The following WDHD1 variants were observed in gnomAD, a reference collection of about 807,000 sequenced individuals.
WDHD1 encodes the protein WD repeat and HMG-box DNA binding protein 1.
WDHD1 carries 111 observed loss-of-function variants against 135.4 expected under a neutral mutation model. That is an observed-to-expected ratio of 0.82 (90% CI 0.70 to 0.96). The LOEUF is 0.96. Among genes scored for constraint, WDHD1 ranks in the 40% least tolerant of loss-of-function variants. The pLI, the probability that WDHD1 is intolerant of heterozygous loss-of-function variation, is 0.00. For synonymous variants in WDHD1, 434 were observed against 439.0 expected, an observed-to-expected ratio of 0.99 and a Z score of 0.14; for missense variants, 1,351 against 1,336.3, an observed-to-expected ratio of 1.01 and a Z score of -0.17.
intron 21 of WDHD1, among the ~76,000 whole-genome samples, chr14:54,959,529 A>G (rs2041215274): frequency 6.6e-6 from 1 of 152,112 alleles, no homozygotes; most frequent in African/African-American, 2.4e-5. Context: ...TTGGGAGGCT[A>G]AGGCAGGAGG....
Position 55,026,703 on chromosome 14 carries a change from A to G in WDHD1, c.77+8T>C, listed in dbSNP as rs764812470. 3.1e-6 allele frequency: 5 copies of G among 1,614,024 alleles called. No individual in the cohort carries two copies. In the African/African-American group the frequency reaches 6.7e-5, roughly 22 times the overall value. On this transcript the variant is annotated splice_region_variant and intron_variant, in intron 2 of 25. Transcript: ENST00000360586. ...GCACCTAAAACGTTGTTTCTCAAAG[A>G]ACCTTACCTCCCAGAATCATCAAAA...
intron 16 of WDHD1, among the ~76,000 whole-genome samples, chr14:54,977,904 G>T (rs1257057812): frequency 1.7e-5 from 1 of 60,240 alleles, no homozygotes. Flanking sequence ...GTTCCAAAGG[G>T]TTGTGTGGAA....
intron 10 of WDHD1, among the ~76,000 whole-genome samples, chr14:54,997,219 C>T (rs1378694918): frequency 6.7e-6 from 1 of 150,334 alleles, no homozygotes; most frequent in Non-Finnish European, 1.5e-5. Context: ...CCTCAGCTTC[C>T]TGAGTACCTG....
Position 54,996,935 on chromosome 14 carries a change from G to A in WDHD1, c.943-1122C>T, listed in dbSNP as rs542091475. Among the ~76,000 whole-genome samples, 348 of 151,868 alleles carry A rather than the reference G, an allele frequency of 2.3e-3. 2 individuals carry two copies. Among genetic ancestry groups the A allele is most frequent in the African/African-American group, 7.2e-3 (299 of 41,382 alleles). Reference sequence around the variant, plus strand: ...GTCTCCCAAGTAGCTGGGACTACAGGCGCATGCCACCATGCCCAGCTAATT... The same window carrying A: ...GTCTCCCAAGTAGCTGGGACTACAGACGCATGCCACCATGCCCAGCTAATT... On this transcript the variant is annotated intron_variant, in intron 10 of 25. Transcript: ENST00000360586.
rs2041738226 is a variant in WDHD1, at chr14:54,988,884, G to A, written c.1526+144C>T. On this transcript the variant is annotated intron_variant, in intron 13 of 25. Coordinates refer to ENST00000360586, the MANE Select transcript of WDHD1 (RefSeq NM_007086.4). ...AGACATATGTTCTGAGGTATTTTGG[G>A]TGTGCTGGTGTTTGTACCAAACTCT... is the stretch of plus-strand genomic sequence containing the variant. 4 of 614,826 alleles carry A rather than the reference G, an allele frequency of 6.5e-6. No individual in the cohort carries two copies. The Admixed American group carries it at 9.7e-5, about 15-fold the overall frequency. The allele number at this position is 614,826 out of a possible 1,614,324, so 38.1% of individuals were successfully genotyped here.
At chr14:54,995,332 G>C (rs1194517291) in intron 11 of WDHD1, among the ~76,000 whole-genome samples, 1 of 151,670 alleles carries the variant, frequency 6.6e-6, no homozygotes, top group South Asian at 2.1e-4. Flanking sequence ...TTTCTCTATA[G>C]GTTTTCTGTT....
intron 24 of WDHD1, among the ~76,000 whole-genome samples, chr14:54,953,204 A>G (rs1350395398): frequency 1.3e-5 from 2 of 152,184 alleles, no homozygotes; most frequent in African/African-American, 4.8e-5. Context: ...CAGAACGGGA[A>G]AAAATTTTGC....
chr14:54,970,353 T>A (rs1280809514), intron 16 of WDHD1, among the ~76,000 whole-genome samples: 1 of 152,124 alleles, frequency 6.6e-6, no homozygotes, highest in African/African-American at 2.4e-5. Context: ...AGTAGCATTT[T>A]TATACACCAA....
At chr14:54,949,098 TC>T (rs1004901139) in intron 24 of WDHD1, among the ~76,000 whole-genome samples, 3 of 151,016 alleles carry the variant, frequency 2.0e-5, no homozygotes, top group Non-Finnish European at 3.0e-5. Context: ...AGAGCACCTC[TC>T]CCCCCCCAAA....
intron 7 of WDHD1, chr14:55,005,060 C>T: frequency 1.8e-6 from 1 of 545,276 alleles, no homozygotes; most frequent in Non-Finnish European, 3.6e-6. Context: ...CAGCAGGCTG[C>T]TCTTCTTTTT....
intron 16 of WDHD1, among the ~76,000 whole-genome samples, chr14:54,978,585 TA>T (rs10711872): frequency 0.034 from 4,900 of 142,848 alleles, 240 homozygotes; most frequent in African/African-American, 0.11. Context: ...ACCCTGGCTC[TA>T]AAAAAAAAAA....
chr14:55,005,410 G>A, intron 7 of WDHD1: 1 of 569,910 alleles, frequency 1.8e-6, no homozygotes, highest in South Asian at 1.4e-5. Context: ...TGACTCCAGT[G>A]GCAGCAGCAA....
chr14:55,012,704 C>T (rs117298779), intron 3 of WDHD1, among the ~76,000 whole-genome samples: 3,749 of 152,176 alleles, frequency 0.025, 66 homozygotes, highest in South Asian at 0.04. Flanking sequence ...CTTCTTATTG[C>T]ATCATCCCAT....
chr14:54,991,689 C>T (rs907602826), intron 11 of WDHD1, among the ~76,000 whole-genome samples: 19 of 151,868 alleles, frequency 1.3e-4, no homozygotes, highest in Admixed American at 5.3e-4. Flanking sequence ...TAAATCTTGA[C>T]GCTTACACAG....
chr14:54,957,711 G>A (rs1313496324), intron 21 of WDHD1, 76 bp from the exon 22 acceptor site: 1 of 1,187,350 alleles, frequency 8.4e-7, no homozygotes, highest in Non-Finnish European at 1.2e-6. Flanking sequence ...ACTAGACAGA[G>A]TATTTTAATC....
Position 55,000,579 on chromosome 14 carries a change from G to A in WDHD1, c.866C>T (p.Ser289Leu), listed in dbSNP as rs768069495. 2.9e-5 allele frequency: 46 copies of A among 1,607,554 alleles called. No homozygotes were observed. The highest frequency in any genetic ancestry group is 3.5e-5 in the Non-Finnish European group (41 of 1,176,810). ...TAGATTTCCTTCCGCATCAGTATAC[G>A]ATATTCGACCACAAGTAGGATGCCA... ...LAWHPTCGRISYTDAEGNLGL... is the reference protein window; with the variant it reads ...LAWHPTCGRILYTDAEGNLGL... Residue 289 changes from serine to leucine, a missense_variant, in exon 10 of 26, where the codon TCG (serine) becomes TTG (leucine). By Grantham distance (145) the Ser-to-Leu change is moderately radical (BLOSUM62 -2). Transcript: ENST00000360586.
Position 54,995,610 on chromosome 14 carries a change from G to A in WDHD1, c.1146C>T (p.Asn382=), listed in dbSNP as rs747236249. 1 of 1,589,948 alleles carries A rather than the reference G, an allele frequency of 6.3e-7. No homozygotes were observed. The highest frequency in any genetic ancestry group is 8.5e-7 in the Non-Finnish European group (1 of 1,169,954). The part of the protein sequence containing the change: ...QRSHILEDDE[N]SVDISMLKTG... ...ACAAAGTCAAATTCTTACCAACTGA[G>A]TTTTCATCATCTTCTAGGATGTGAC... The change falls in exon 11 of 26, where the codon AAC becomes AAT. Residue 382 remains asparagine, a synonymous_variant. Coordinates refer to ENST00000360586, the MANE Select transcript of WDHD1 (RefSeq NM_007086.4).
intron 2 of WDHD1, among the ~76,000 whole-genome samples, chr14:55,022,511 G>A (rs146757102): frequency 0.044 from 6,755 of 151,954 alleles, 163 homozygotes; most frequent in South Asian, 0.062. Flanking sequence ...GCAAAACCCC[G>A]TCTCTACTAA....
intron 2 of WDHD1, among the ~76,000 whole-genome samples, chr14:55,014,224 G>A (rs1193213078): frequency 6.6e-6 from 1 of 152,134 alleles, no homozygotes; most frequent in Non-Finnish European, 1.5e-5. Context: ...TCCCCAGGTC[G>A]CTGGGACTAC....
Sources: allele counts gnomAD v4.1 joint callset (sites outside exome capture counted in the v4.1 genomes callset), GRCh38; gene constraint gnomAD v4.1.1; transcripts MANE v1.5; gene names NCBI Gene and HGNC (gene_info 2026-07-23, HGNC 2026-07-21).